The following PPM1G variants were observed in gnomAD, a reference collection of about 807,000 sequenced individuals.
The protein encoded by PPM1G is protein phosphatase 1G.
PPM1G carries 12 observed loss-of-function variants against 59.4 expected under a neutral mutation model. The observed-to-expected ratio is 0.20, with a 90% CI of 0.13 to 0.33. The LOEUF (loss-of-function observed/expected upper bound fraction) is 0.33, where lower values mean the gene tolerates loss of function less well. PPM1G is among the 10% of genes least tolerant of loss of function. PPM1G has a pLI of 1.00. For synonymous variants in PPM1G, 245 were observed against 251.9 expected (o/e 0.97, Z 0.26); for missense variants, 392 against 681.3 (o/e 0.58, Z 4.73).
chr2:27,392,591 C>T (rs964185949), intron 1 of PPM1G, among the ~76,000 whole-genome samples: 3 of 136,800 alleles, frequency 2.2e-5, no homozygotes, highest in Admixed American at 7.9e-5. Context: ...ACTACGCCAG[C>T]CCACAGTACA....
chr2:27,403,005 T>C (rs1363213103), intron 1 of PPM1G, among the ~76,000 whole-genome samples: 2 of 150,756 alleles, frequency 1.3e-5, no homozygotes, highest in Admixed American at 6.6e-5. Flanking sequence ...CAGAAGGCTA[T>C]GCAGTGAACT....
At chr2:27,387,009 G>C in intron 2 of PPM1G, 80 bp downstream of exon 2, 3 of 1,127,018 alleles carry the variant, frequency 2.7e-6, no homozygotes, top group Non-Finnish European at 2.7e-6. Flanking sequence ...GAAAGTAAAT[G>C]AACAAAGGGA....
chr2:27,382,384 C>A lies in PPM1G; in HGVS notation c.1331+92G>T. Reference sequence around the variant, plus strand: ...TCTTCACCCACCAAGAGGCCTAGGTCTGCCTAGGCTCTAATCCTAGAGGTG... The same window carrying A: ...TCTTCACCCACCAAGAGGCCTAGGTATGCCTAGGCTCTAATCCTAGAGGTG... On this transcript the variant is annotated intron_variant, in intron 8 of 9. Coordinates refer to ENST00000344034, the MANE Select transcript of PPM1G (RefSeq NM_177983.3). This position sits in a 1 kb window ranked among gnomAD's most constrained non-coding sequence, Gnocchi z 4.2. 1.3e-6 allele frequency: 2 copies of A among 1,573,328 alleles called. No individual in the cohort carries two copies. The highest frequency in any genetic ancestry group is 2.3e-5 in the South Asian group (2 of 86,986).
chr2:27,398,994 A>G (rs1190041701), intron 1 of PPM1G, among the ~76,000 whole-genome samples: 2 of 151,514 alleles, frequency 1.3e-5, no homozygotes, highest in Non-Finnish European at 2.9e-5. Context: ...AAAATAAAAA[A>G]TTAGCTGGGA....
intron 1 of PPM1G, among the ~76,000 whole-genome samples, chr2:27,405,795 A>C (rs973646142): frequency 6.6e-6 from 1 of 151,698 alleles, no homozygotes; most frequent in Admixed American, 6.6e-5. Flanking sequence ...CTGAGGTCAG[A>C]AGTTCGAGAC....
At chr2:27,405,807 A>G (rs577663024) in intron 1 of PPM1G, among the ~76,000 whole-genome samples, 1 of 152,112 alleles carries the variant, frequency 6.6e-6, no homozygotes, top group African/African-American at 2.4e-5. Context: ...GTTCGAGACC[A>G]GCCTGACCAA....
intron 1 of PPM1G, among the ~76,000 whole-genome samples, chr2:27,395,534 CACAAA>C (rs1684029964): frequency 6.6e-6 from 1 of 151,696 alleles, no homozygotes; most frequent in Non-Finnish European, 1.5e-5. Context: ...GTCTCAAAAA[CACAAA>C]ACAAAACAAA....
intron 1 of PPM1G, among the ~76,000 whole-genome samples, chr2:27,398,897 C>T (rs1684117003): frequency 6.6e-6 from 1 of 151,930 alleles, no homozygotes; most frequent in Admixed American, 6.6e-5. Context: ...GTAATCCCAG[C>T]ACTTTGGGAG....
chr2:27,407,425 A>G (rs937374982), intron 1 of PPM1G, among the ~76,000 whole-genome samples: 12 of 149,440 alleles, frequency 8.0e-5, no homozygotes, highest in African/African-American at 3.0e-4. Context: ...CACCATGCCC[A>G]GCTAATTTTT....
chr2:27,381,491 C>A lies in PPM1G; in HGVS notation c.*108G>T, dbSNP rs1426884135. The A allele has an allele frequency of 7.6e-7, 1 of 1,315,228 alleles. No homozygotes were observed. The highest frequency in any genetic ancestry group is 1.1e-6 in the Non-Finnish European group (1 of 924,568). 81.5% of individuals were successfully genotyped at this position (1,315,228 alleles called of 1,614,324 possible). A position where few individuals can be genotyped will look rare whatever the true frequency, so the allele number is the denominator to read the frequency against. The stretch of plus-strand genomic sequence containing the variant: ...GGCGGAGTGAAGCCACCCAGCTCCC[C>A]CTGCACACCTCATACCCACTGCTAA... On this transcript the variant is annotated 3_prime_UTR_variant, in exon 10 of 10. Transcript: ENST00000344034.
At chr2:27,394,152 C>T (rs995892907) in intron 1 of PPM1G, among the ~76,000 whole-genome samples, 2 of 152,138 alleles carry the variant, frequency 1.3e-5, no homozygotes, top group Non-Finnish European at 2.9e-5. Context: ...CTGCCTCGGC[C>T]TCCCAAAGTG....
intron 1 of PPM1G, among the ~76,000 whole-genome samples, chr2:27,394,967 C>T (rs138793381): frequency 0.021 from 3,178 of 151,998 alleles, 123 homozygotes; most frequent in African/African-American, 0.073. Flanking sequence ...CAGTGGCTCA[C>T]GCCTGTAATC....
intron 1 of PPM1G, among the ~76,000 whole-genome samples, chr2:27,403,397 G>A (rs1684230090): frequency 6.6e-6 from 1 of 151,432 alleles, no homozygotes; most frequent in Non-Finnish European, 1.5e-5. Context: ...AGTGAGCCGA[G>A]ATGGCACCAT....
chr2:27,405,817 ACATGGAGAGACCCC>A (rs1488408090), intron 1 of PPM1G, among the ~76,000 whole-genome samples: 1 of 151,964 alleles, frequency 6.6e-6, no homozygotes, highest in Non-Finnish European at 1.5e-5. Flanking sequence ...AGCCTGACCA[ACATGGAGAGACCCC>A]CATCTCTACT....
chr2:27,393,391 G>A (rs1683967177), intron 1 of PPM1G: 7 of 1,447,778 alleles, frequency 4.8e-6, no homozygotes, highest in Admixed American at 1.7e-5. Flanking sequence ...GAGAGGCGGC[G>A]GCAGCGGCAG....
At chr2:27,401,706 G>A (rs193237938) in intron 1 of PPM1G, among the ~76,000 whole-genome samples, 1 of 152,110 alleles carries the variant, frequency 6.6e-6, no homozygotes, top group Non-Finnish European at 1.5e-5. Flanking sequence ...TGAGCCTGTA[G>A]TTCCAGCTAC....
intron 1 of PPM1G, chr2:27,393,259 A>C (rs1280203707): frequency 1.9e-6 from 3 of 1,588,252 alleles, no homozygotes; most frequent in South Asian, 2.2e-5. Flanking sequence ...TAAGCCACGC[A>C]CAGGTAAATG....
At chr2:27,400,890 T>G (rs559794509) in intron 1 of PPM1G, among the ~76,000 whole-genome samples, 1 of 152,192 alleles carries the variant, frequency 6.6e-6, no homozygotes, top group Non-Finnish European at 1.5e-5. Flanking sequence ...CACTGGAGCC[T>G]GAACCATCCT....
At chr2:27,389,897 A>G (rs1683856076) in intron 1 of PPM1G, among the ~76,000 whole-genome samples, 1 of 152,192 alleles carries the variant, frequency 6.6e-6, no homozygotes, top group African/African-American at 2.4e-5. Context: ...TGAGCCCAGG[A>G]GGTGGAGGCT....
Sources: gnomAD v4.1 joint callset for allele counts (sites outside exome capture counted in the v4.1 genomes callset) on GRCh38, gnomAD v4.1.1 for gene constraint, Gnocchi (gnomAD v3.1) non-coding constraint, MANE v1.5 for transcripts, NCBI Gene and HGNC (gene_info 2026-07-23, HGNC 2026-07-21) for gene names.